The following LMBRD1 variants were observed in gnomAD, a reference collection of about 807,000 sequenced individuals.
The protein encoded by LMBRD1 is lysosomal cobalamin transport escort protein LMBD1.
LMBRD1 carries 64 observed loss-of-function variants against 74.8 expected under a neutral mutation model. The observed-to-expected ratio is 0.86, with a 90% CI of 0.70 to 1.05. The LOEUF (loss-of-function observed/expected upper bound fraction) is 1.05. LMBRD1 is among the 50% of genes least tolerant of loss of function. LMBRD1 has a pLI of 0.00. For missense variants in LMBRD1, 652 were observed against 645.9 expected (o/e 1.01, Z -0.10); for synonymous variants, 204 against 216.3 (o/e 0.94, Z 0.50).
At chr6:69,738,599 T>TACACAC (rs3217690) in intron 6 of LMBRD1, among the ~76,000 whole-genome samples, 2,904 of 145,290 alleles carry the variant, frequency 0.02, 93 homozygotes, top group African/African-American at 0.065. Context: ...GGTTTAAAAA[T>TACACAC]ACACACACAC....
At chr6:69,715,810 T>C (rs1766476448) in intron 8 of LMBRD1, among the ~76,000 whole-genome samples, 2 of 152,154 alleles carry the variant, frequency 1.3e-5, no homozygotes, top group Non-Finnish European at 2.9e-5. Context: ...GTATGCACTG[T>C]TCCCCTCTAT....
At chr6:69,701,792 T>G in intron 10 of LMBRD1, 97 bp downstream of exon 10, 1 of 869,248 alleles carries the variant, frequency 1.2e-6, no homozygotes, top group South Asian at 1.5e-5. Flanking sequence ...AAAAGCTACT[T>G]AAGATGAACA....
At chr6:69,730,632 A>C (rs1358827132) in intron 7 of LMBRD1, among the ~76,000 whole-genome samples, 1 of 152,178 alleles carries the variant, frequency 6.6e-6, no homozygotes, top group Non-Finnish European at 1.5e-5. Context: ...AATTACATGC[A>C]TTCTTGGTAC....
chr6:69,684,833 T>G (rs913919305), intron 14 of LMBRD1, among the ~76,000 whole-genome samples: 1 of 152,076 alleles, frequency 6.6e-6, no homozygotes, highest in Non-Finnish European at 1.5e-5. Context: ...GTCAATACAA[T>G]GGGTTTCATC....
At chr6:69,684,729 T>C (rs1015236728) in intron 14 of LMBRD1, among the ~76,000 whole-genome samples, 3 of 152,050 alleles carry the variant, frequency 2.0e-5, no homozygotes, top group African/African-American at 7.2e-5. Context: ...TTATAATATA[T>C]AATTATGATT....
intron 14 of LMBRD1, among the ~76,000 whole-genome samples, chr6:69,684,332 ACAAT>A (rs1437625469): frequency 6.6e-6 from 1 of 151,912 alleles, no homozygotes; most frequent in East Asian, 1.9e-4. Flanking sequence ...GATAATACAA[ACAAT>A]CAATTGAAGA....
chr6:69,772,867 T>C (rs540755193), intron 3 of LMBRD1, among the ~76,000 whole-genome samples: 1 of 152,224 alleles, frequency 6.6e-6, no homozygotes, highest in Non-Finnish European at 1.5e-5. Flanking sequence ...AACTTTCCTA[T>C]ATCATTGCAC....
chr6:69,718,313 C>T (rs183990342), intron 8 of LMBRD1, among the ~76,000 whole-genome samples: 247 of 152,096 alleles, frequency 1.6e-3, no homozygotes, highest in Admixed American at 2.6e-3. Context: ...AACGACGATA[C>T]CTGAGAACTA....
chr6:69,749,213 A>T, intron 5 of LMBRD1, 128 bp downstream of exon 5: 1 of 727,954 alleles, frequency 1.4e-6, no homozygotes, highest in Non-Finnish European at 2.3e-6. Flanking sequence ...TTGGAGATTT[A>T]GAGAGTGGAT....
chr6:69,705,397 C>T (rs1267874283), intron 9 of LMBRD1: 14 of 1,028,906 alleles, frequency 1.4e-5, no homozygotes, highest in Non-Finnish European at 2.1e-5. Flanking sequence ...GGAAGAGAAC[C>T]ACCTTTTTCT....
At chr6:69,743,047 A>C (rs1767138554) in intron 5 of LMBRD1, among the ~76,000 whole-genome samples, 2 of 152,202 alleles carry the variant, frequency 1.3e-5, no homozygotes, top group Admixed American at 1.3e-4. Context: ...AATCAAACAA[A>C]TGAAAGCAGA....
intron 3 of LMBRD1, among the ~76,000 whole-genome samples, chr6:69,773,194 CAT>C (rs149032855): frequency 0.011 from 1,698 of 152,212 alleles, 13 homozygotes; most frequent in Non-Finnish European, 0.017. Context: ...GGTGACTGCT[CAT>C]GTGTGGATTA....
At chr6:69,739,246 CG>C (rs756433344) in intron 6 of LMBRD1, among the ~76,000 whole-genome samples, 63 of 152,132 alleles carry the variant, frequency 4.1e-4, no homozygotes, top group Non-Finnish European at 7.5e-4. Flanking sequence ...TTTGGCCAAT[CG>C]AAATGTTAAT....
chr6:69,748,126 AAC>A (rs1185472129), intron 5 of LMBRD1, among the ~76,000 whole-genome samples: 1 of 152,192 alleles, frequency 6.6e-6, no homozygotes, highest in Admixed American at 6.5e-5. Flanking sequence ...GTTTTCCTAG[AAC>A]ACAGTCATGT....
intron 3 of LMBRD1, among the ~76,000 whole-genome samples, chr6:69,762,129 C>T (rs553550149): frequency 6.6e-6 from 1 of 152,218 alleles, no homozygotes; most frequent in African/African-American, 2.4e-5. Context: ...TAATATAGTC[C>T]ATTGTATGCG....
At chr6:69,687,879 T>C (rs959879587) in intron 14 of LMBRD1, among the ~76,000 whole-genome samples, 34 of 152,262 alleles carry the variant, frequency 2.2e-4, no homozygotes, top group African/African-American at 6.3e-4. Flanking sequence ...CTGCCCCATG[T>C]TCTTCCGTCT....
At chr6:69,698,431 G>A (rs1475361213) in intron 13 of LMBRD1, among the ~76,000 whole-genome samples, 3 of 151,934 alleles carry the variant, frequency 2.0e-5, no homozygotes, top group Non-Finnish European at 4.4e-5. Flanking sequence ...TTAAGAAGTA[G>A]AGCAAAAGGT....
chr6:69,731,777 G>C (rs1766864000), intron 7 of LMBRD1, among the ~76,000 whole-genome samples: 1 of 151,994 alleles, frequency 6.6e-6, no homozygotes, highest in Non-Finnish European at 1.5e-5. Context: ...AACTTACGAT[G>C]GATTTAACAG....
rs781488222 is a variant in LMBRD1, at chr6:69,796,780, A to G, written c.69+33T>C. ...TGCCCCTCCCTTCCTCCCCCAGTCCAAACATGGGGAAAACTCCAAGCGCCT... is the reference window on the plus strand; with the variant it reads ...TGCCCCTCCCTTCCTCCCCCAGTCCGAACATGGGGAAAACTCCAAGCGCCT... On this transcript the variant is annotated intron_variant, in intron 1 of 15. Transcript: ENST00000649934. 4 of 1,601,864 alleles carry G rather than the reference A, an allele frequency of 2.5e-6. No homozygotes were observed. In the African/African-American group the frequency reaches 5.4e-5, roughly 22 times the overall value.
Sources: allele counts gnomAD v4.1 joint callset (sites outside exome capture counted in the v4.1 genomes callset), GRCh38; gene constraint gnomAD v4.1.1; transcripts MANE v1.5; gene names NCBI Gene and HGNC (gene_info 2026-07-23, HGNC 2026-07-21).